The following DYRK1A variants were observed in gnomAD, a reference collection of about 807,000 sequenced individuals.
DYRK1A encodes the protein dual specificity tyrosine phosphorylation regulated kinase 1A.
Under a neutral mutation model 79.7 loss-of-function variants are expected in DYRK1A, and 9 were observed. The observed-to-expected ratio is 0.11, with a 90% CI of 0.07 to 0.20. The LOEUF is 0.20. Among genes scored for constraint, DYRK1A ranks in the 10% least tolerant of loss-of-function variants. The probability of loss-of-function intolerance (pLI) is 1.00; values close to 1 mark genes in which losing one functional copy is unlikely to be tolerated. For synonymous variants in DYRK1A, 349 were observed against 329.7 expected (o/e 1.06, Z -0.63); for missense variants, 622 against 956.0 (o/e 0.65, Z 4.61).
chr21:37,499,709 AATTTTTC>A (rs1452916238), intron 9 of DYRK1A, among the ~76,000 whole-genome samples: 1 of 152,154 alleles, frequency 6.6e-6, no homozygotes. Flanking sequence ...ATAATTTCAT[AATTTTTC>A]ATTTTTGGTA....
At chr21:37,427,441 T>G (rs2050658134) in intron 2 of DYRK1A, among the ~76,000 whole-genome samples, 1 of 152,224 alleles carries the variant, frequency 6.6e-6, no homozygotes, top group African/African-American at 2.4e-5. Flanking sequence ...CTTTTTAGTG[T>G]GCTTTTAAAA....
chr21:37,445,331 G>A (rs1418999215), intron 2 of DYRK1A, among the ~76,000 whole-genome samples: 2 of 152,112 alleles, frequency 1.3e-5, no homozygotes, highest in Admixed American at 6.5e-5. Flanking sequence ...GTAACTAAGG[G>A]GTGTTTTCTG....
rs1161970800 is a variant in DYRK1A at position 37,515,264 on chromosome 21, G to A, written c.*2733G>A. 1 of 152,548 alleles carries A rather than the reference G, an allele frequency of 6.6e-6. No individual in the cohort carries two copies. The highest frequency in any genetic ancestry group is 2.4e-5 in the African/African-American group (1 of 41,410). 9.4% of individuals were successfully genotyped at this position (152,548 alleles called of 1,614,324 possible). On this transcript the variant is annotated 3_prime_UTR_variant, in exon 12 of 12. Coordinates refer to ENST00000647188, the MANE Select transcript of DYRK1A (RefSeq NM_001347721.2). ...TTCCTATGCAATTAAACTGGTCCAG[G>A]TCTGGTAGGTATAGTATCAAAGTTG...
intron 1 of DYRK1A, among the ~76,000 whole-genome samples, chr21:37,385,918 G>A (rs1433838396): frequency 6.6e-6 from 1 of 152,066 alleles, no homozygotes; most frequent in East Asian, 1.9e-4. Context: ...TACCTTCTTG[G>A]AGATTGACAG....
chr21:37,458,548 T>C (rs1187056709), intron 2 of DYRK1A, among the ~76,000 whole-genome samples: 1 of 152,012 alleles, frequency 6.6e-6, no homozygotes, highest in African/African-American at 2.4e-5. Flanking sequence ...TGGGTTTACA[T>C]GGTTGAGGGT....
chr21:37,427,270 C>T (rs1433801000), intron 2 of DYRK1A, among the ~76,000 whole-genome samples: 2 of 152,168 alleles, frequency 1.3e-5, no homozygotes, highest in Non-Finnish European at 2.9e-5. Context: ...TGCTGCCACA[C>T]CTGGCTAACT....
chr21:37,372,725 A>T (rs2049457266), intron 1 of DYRK1A, among the ~76,000 whole-genome samples: 1 of 152,174 alleles, frequency 6.6e-6, no homozygotes, highest in South Asian at 2.1e-4. Flanking sequence ...TAATGCATGT[A>T]CATTTCTTCA....
At chr21:37,422,908 T>A (rs1316914142) in intron 2 of DYRK1A, among the ~76,000 whole-genome samples, 1 of 152,178 alleles carries the variant, frequency 6.6e-6, no homozygotes, top group African/African-American at 2.4e-5. Context: ...TTACTTAATT[T>A]GAGAATCTTT....
At chr21:37,470,563 A>G (rs991578468) in intron 2 of DYRK1A, among the ~76,000 whole-genome samples, 2 of 152,186 alleles carry the variant, frequency 1.3e-5, no homozygotes, top group African/African-American at 4.8e-5. Context: ...AAGGCTTTGA[A>G]TGGTTAAGAA....
chr21:37,488,134 G>A (rs1246344990), intron 6 of DYRK1A: 3 of 155,160 alleles, frequency 1.9e-5, no homozygotes, highest in Non-Finnish European at 4.2e-5. Flanking sequence ...ACTCAGTTAT[G>A]TATAATGCTA....
At chr21:37,464,227 C>T in intron 2 of DYRK1A, 1 of 458,426 alleles carries the variant, frequency 2.2e-6, no homozygotes. Context: ...TCTTATGTCC[C>T]AGTCTTTGAG....
Position 37,513,488 on chromosome 21 carries a change from C to A in DYRK1A, c.*957C>A, listed in dbSNP as rs1350939075. On this transcript the variant is annotated 3_prime_UTR_variant, in exon 12 of 12. Transcript: ENST00000647188. ...AGAATGGGTAATTCAAGAGGCCTTT[C>A]TTTTAAAATAGACTTTTGTGACCCA... 6.6e-6 allele frequency: 1 copy of A among 152,598 alleles called. No individual in the cohort carries two copies. Among genetic ancestry groups the A allele is most frequent in the Non-Finnish European group, 1.5e-5 (1 of 68,018 alleles). The allele number at this position is 152,598 out of a possible 1,614,324, so 9.5% of individuals were successfully genotyped here.
intron 5 of DYRK1A, among the ~76,000 whole-genome samples, chr21:37,485,566 C>G (rs2052828906): frequency 1.3e-5 from 2 of 152,130 alleles, no homozygotes; most frequent in Admixed American, 1.3e-4. Flanking sequence ...GAGTTCCTTC[C>G]CCATCCCCAG....
In DYRK1A at chr21:37,367,800, C is replaced by T. The variant is rs1223651629; in HGVS notation, c.-77+172C>T. 5.3e-5 allele frequency among the ~76,000 whole-genome samples: 8 copies of T among 150,722 alleles called. No individual in the cohort carries two copies. In the East Asian group the frequency reaches 1.6e-3, roughly 30 times the overall value. On this transcript the variant is annotated intron_variant, in intron 1 of 11. Coordinates refer to ENST00000647188, the MANE Select transcript of DYRK1A (RefSeq NM_001347721.2). ...CGGGGGAGGGAGCCTCAGGCCGGGT[C>T]CCGGAGGAGCGGCGGGCGCGAGCGG...
At chr21:37,430,103 A>T (rs1422003708) in intron 2 of DYRK1A, among the ~76,000 whole-genome samples, 1 of 152,224 alleles carries the variant, frequency 6.6e-6, no homozygotes, top group Non-Finnish European at 1.5e-5. Context: ...CATCAGTTTT[A>T]GACAGTTTCT....
intron 2 of DYRK1A, among the ~76,000 whole-genome samples, chr21:37,449,032 T>C (rs751561527): frequency 3.3e-5 from 5 of 152,186 alleles, no homozygotes; most frequent in Non-Finnish European, 5.9e-5. Context: ...AAGAGTCATA[T>C]CATTTTTCCC....
chr21:37,372,370 C>G (rs1329563389), intron 1 of DYRK1A, among the ~76,000 whole-genome samples: 1 of 151,604 alleles, frequency 6.6e-6, no homozygotes, highest in Non-Finnish European at 1.5e-5. Context: ...ATCAGTTGAG[C>G]CTGGGAGGTG....
At chr21:37,485,873 C>G (rs2835767) in intron 5 of DYRK1A, among the ~76,000 whole-genome samples, 43,016 of 151,948 alleles carry the variant, frequency 0.28, 6,281 homozygotes, top group South Asian at 0.4. Flanking sequence ...TCATAATCCC[C>G]CAATTATGGC....
At chr21:37,380,994 C>T (rs2040150993) in intron 1 of DYRK1A, among the ~76,000 whole-genome samples, 1 of 152,200 alleles carries the variant, frequency 6.6e-6, no homozygotes. Flanking sequence ...TGTCCTTGTA[C>T]TCTTCCTTCA....
Sources: gnomAD v4.1 joint callset for allele counts (sites outside exome capture counted in the v4.1 genomes callset) on GRCh38, gnomAD v4.1.1 for gene constraint, MANE v1.5 for transcripts, NCBI Gene and HGNC (gene_info 2026-07-23, HGNC 2026-07-21) for gene names.